Variants in NKAIN2 observed in about 807,000 individuals in gnomAD.
NKAIN2 encodes the protein sodium/potassium-transporting ATPase subunit beta-1-interacting protein 2.
A neutral mutation model predicts 32.6 loss-of-function variants in NKAIN2; 14 were observed. The observed-to-expected ratio is 0.43, with a 90% CI of 0.28 to 0.67. NKAIN2 has a LOEUF of 0.67. NKAIN2 is among the 30% of genes least tolerant of loss of function. The probability of loss-of-function intolerance (pLI) is 0.17; values close to 1 mark genes in which losing one functional copy is unlikely to be tolerated. For synonymous variants in NKAIN2, 80 were observed against 87.2 expected (o/e 0.92, Z 0.46); for missense variants, 198 against 258.3 (o/e 0.77, Z 1.60).
chr6:124,595,723 A>G (rs1232597330), intron 3 of NKAIN2, among the ~76,000 whole-genome samples: 1 of 152,214 alleles, frequency 6.6e-6, no homozygotes, highest in Non-Finnish European at 1.5e-5. Flanking sequence ...TTTTGGTAAT[A>G]GAACATTGTG....
chr6:123,890,051 T>A (rs1276759008), intron 1 of NKAIN2, among the ~76,000 whole-genome samples: 1 of 152,024 alleles, frequency 6.6e-6, no homozygotes, highest in Non-Finnish European at 1.5e-5. Flanking sequence ...CATTTTCTTA[T>A]TCATATTTGA....
chr6:124,537,760 C>T (rs936496214), intron 3 of NKAIN2, among the ~76,000 whole-genome samples: 1 of 152,102 alleles, frequency 6.6e-6, no homozygotes, highest in African/African-American at 2.4e-5. Flanking sequence ...GAAATAAGCT[C>T]ATGATTATCT....
chr6:124,656,952 G>C (rs1462248672), intron 3 of NKAIN2, among the ~76,000 whole-genome samples: 1 of 152,088 alleles, frequency 6.6e-6, no homozygotes, highest in South Asian at 2.1e-4. Context: ...AGGTTCCAAA[G>C]ATACTTTGAA....
At chr6:124,089,685 G>A (rs1033930658) in intron 1 of NKAIN2, among the ~76,000 whole-genome samples, 1 of 151,974 alleles carries the variant, frequency 6.6e-6, no homozygotes, top group Admixed American at 6.6e-5. Context: ...TTAGAAAGAA[G>A]GGATTGTTCA....
intron 1 of NKAIN2, among the ~76,000 whole-genome samples, chr6:124,139,777 T>C (rs1372267575): frequency 6.6e-6 from 1 of 152,190 alleles, no homozygotes; most frequent in Non-Finnish European, 1.5e-5. Flanking sequence ...TTAAATAGGC[T>C]GAAGAATACA....
chr6:124,315,921 A>C (rs556633817), intron 2 of NKAIN2, among the ~76,000 whole-genome samples: 1 of 152,122 alleles, frequency 6.6e-6, no homozygotes, highest in East Asian at 1.9e-4. Flanking sequence ...GGGTCAAGTT[A>C]AAATGTTCTT....
chr6:124,441,508 C>T (rs1449399091), intron 3 of NKAIN2, among the ~76,000 whole-genome samples: 2 of 152,052 alleles, frequency 1.3e-5, no homozygotes, highest in African/African-American at 4.8e-5. Context: ...CTCTACCTTG[C>T]ATTTGGGACA....
intron 1 of NKAIN2, among the ~76,000 whole-genome samples, chr6:124,100,295 G>A (rs1784821855): frequency 1.3e-5 from 2 of 152,156 alleles, no homozygotes; most frequent in Non-Finnish European, 2.9e-5. Flanking sequence ...ACTCAATGGA[G>A]TTTATTTAGA....
intron 1 of NKAIN2, among the ~76,000 whole-genome samples, chr6:123,934,247 A>T (rs1776398952): frequency 6.6e-6 from 1 of 152,188 alleles, no homozygotes; most frequent in South Asian, 2.1e-4. Context: ...GCCCTTGCCT[A>T]TGACTCCATA....
intron 3 of NKAIN2, among the ~76,000 whole-genome samples, chr6:124,431,556 A>G (rs1414692216): frequency 5.9e-5 from 9 of 152,196 alleles, no homozygotes; most frequent in Admixed American, 5.9e-4. Flanking sequence ...TGCTATATGT[A>G]TATCTGTGCT....
intron 4 of NKAIN2, among the ~76,000 whole-genome samples, chr6:124,687,479 A>ATATATATTCCATACATACACATACATGG (rs1562324751): frequency 0.41 from 2,227 of 5,412 alleles, 229 homozygotes; most frequent in Middle Eastern, 1. Context: ...TACATGGAAT[A>ATATATATTCCATACATACACATACATGG]TATATATTCC....
At chr6:124,149,823 G>A (rs917861916) in intron 1 of NKAIN2, among the ~76,000 whole-genome samples, 2 of 147,572 alleles carry the variant, frequency 1.4e-5, no homozygotes, top group African/African-American at 4.9e-5. Flanking sequence ...TGTAAGAGCA[G>A]TTAGGTGACT....
chr6:123,972,411 T>C lies in NKAIN2; in HGVS notation c.54+168157T>C, dbSNP rs1778385961. Among the ~76,000 whole-genome samples the C allele has an allele frequency of 2.0e-5, 3 of 152,322 alleles. No individual in the cohort carries two copies. In the South Asian group the frequency reaches 6.2e-4, roughly 32 times the overall value. ...GGGATTTCTGAGACAAATAGCCTAA[T>C]GGAAGATTAAACGCAAACTGAAAAA... On this transcript the variant is annotated intron_variant, in intron 1 of 6. Coordinates refer to ENST00000368417, the MANE Select transcript of NKAIN2 (RefSeq NM_001040214.3).
At chr6:124,468,546 G>A (rs1009312378) in intron 3 of NKAIN2, among the ~76,000 whole-genome samples, 4 of 152,020 alleles carry the variant, frequency 2.6e-5, no homozygotes, top group Non-Finnish European at 5.9e-5. Flanking sequence ...ATAAAATTTC[G>A]ATTACACATG....
chr6:124,806,803 G>T (rs1296240016), intron 5 of NKAIN2, among the ~76,000 whole-genome samples: 1 of 151,480 alleles, frequency 6.6e-6, no homozygotes, highest in African/African-American at 2.4e-5. Flanking sequence ...GATCTACCAA[G>T]CAAATGGAAA....
intron 2 of NKAIN2, among the ~76,000 whole-genome samples, chr6:124,304,898 A>G (rs1055086939): frequency 5.9e-5 from 9 of 152,130 alleles, no homozygotes; most frequent in Non-Finnish European, 1.2e-4. Context: ...TGGCGACAGA[A>G]CAAGACTTGC....
intron 1 of NKAIN2, among the ~76,000 whole-genome samples, chr6:123,925,699 G>A (rs918226235): frequency 4.6e-5 from 7 of 152,074 alleles, no homozygotes; most frequent in Admixed American, 2.6e-4. Context: ...AGGGTGCAGG[G>A]GACTTTTTGG....
chr6:124,289,113 C>A (rs887237095), intron 2 of NKAIN2, among the ~76,000 whole-genome samples: 9 of 152,122 alleles, frequency 5.9e-5, no homozygotes, highest in Non-Finnish European at 1.2e-4. Context: ...AACTCTAAGA[C>A]TGTCATAATA....
At chr6:124,060,579 C>A (rs959259714) in intron 1 of NKAIN2, among the ~76,000 whole-genome samples, 1 of 152,140 alleles carries the variant, frequency 6.6e-6, no homozygotes, top group African/African-American at 2.4e-5. Context: ...AGAACTGGAA[C>A]ACCGTTCGCC....
Sources: allele counts gnomAD v4.1 joint callset (sites outside exome capture counted in the v4.1 genomes callset), GRCh38; gene constraint gnomAD v4.1.1; transcripts MANE v1.5; gene names NCBI Gene and HGNC (gene_info 2026-07-23, HGNC 2026-07-21).